The following AP3B2 variants were observed in gnomAD, a reference collection of about 807,000 sequenced individuals.
The protein encoded by AP3B2 is AP-3 complex subunit beta-2.
A neutral mutation model predicts 126.9 loss-of-function variants in AP3B2; 50 were observed. The ratio of observed to expected loss-of-function variants is 0.39; its 90% CI spans 0.31 to 0.50. The LOEUF (loss-of-function observed/expected upper bound fraction) is 0.50. Ranked by LOEUF, AP3B2 falls within the 20% of genes least tolerant of loss-of-function variation. The probability of loss-of-function intolerance (pLI) is 0.79; values close to 1 mark genes in which losing one functional copy is unlikely to be tolerated. For missense variants in AP3B2, 1,177 were observed against 1,426.4 expected (o/e 0.83, Z 2.82); for synonymous variants, 541 against 565.0 (o/e 0.96, Z 0.60).
At position 82,697,150 on chromosome 15, in the gene AP3B2, T is replaced by C. The variant is rs1429114594; in HGVS notation, c.114-7697A>G. Among the ~76,000 whole-genome samples the C allele has an allele frequency of 2.0e-5, 3 of 151,906 alleles. No homozygotes were observed. In the East Asian group the frequency reaches 5.8e-4, roughly 29 times the overall value. ...ATCGAGACCATCCTGGCTAACATGG[T>C]GAAACCCCGTCTCTACTAAAAAATT... On this transcript the variant is annotated intron_variant, in intron 1 of 26. Transcript: ENST00000535359.
chr15:82,677,450 C>T, intron 12 of AP3B2, 67 bp from the exon 13 acceptor site: 2 of 1,468,774 alleles, frequency 1.4e-6, no homozygotes, highest in African/African-American at 1.4e-5. Context: ...TGGACAGACA[C>T]ACCTGCAGTG....
At position 82,663,338 on chromosome 15, in the gene AP3B2, G is replaced by T. The variant is rs748484490; in HGVS notation, c.2498-105C>A. ...CGCATTTCAGCACCATGGACAGCGG[G>T]GCACATGGCTGCCTGGAGGCTCTCG... On this transcript the variant is annotated intron_variant, in intron 21 of 26. Coordinates refer to ENST00000535359, the MANE Select transcript of AP3B2 (RefSeq NM_001278512.2). 3.1e-5 allele frequency: 33 copies of T among 1,050,322 alleles called. No homozygotes were observed. The Admixed American group carries it at 5.3e-4, about 17-fold the overall frequency. The allele number at this position is 1,050,322 out of a possible 1,614,324, so 65.1% of individuals were successfully genotyped here.
At chr15:82,683,065 T>TG in intron 4 of AP3B2, among the ~76,000 whole-genome samples, 1 of 139,132 alleles carries the variant, frequency 7.2e-6, no homozygotes. Context: ...TTTTTTTTTT[T>TG]TTTTTTTTTT....
rs2048015098 is a variant in AP3B2 at position 82,664,403 on chromosome 15, TG to T, written c.2224del (p.Gln742ArgfsTer53). 1 of 1,613,840 alleles carries T rather than the reference TG, an allele frequency of 6.2e-7. No homozygotes were observed. The highest frequency in any genetic ancestry group is 1.3e-5 in the African/African-American group (1 of 74,914). ...ESSSESDNED[Q>X]DEDEEKGRGS... The stretch of plus-strand genomic sequence containing the variant: ...TCTCCCTTTCTCCTCATCCTCATCC[TG>T]GTCTTCATTGTCGGACTCACTGCTG... On this transcript the variant is annotated frameshift_variant, in exon 19 of 27. Coordinates refer to ENST00000535359, the MANE Select transcript of AP3B2 (RefSeq NM_001278512.2). LOFTEE classifies it high-confidence loss of function. This position sits in a 1 kb window ranked among gnomAD's most constrained non-coding sequence, Gnocchi z 4.5.
At chr15:82,686,154 T>C (rs910246377) in intron 4 of AP3B2, 1 of 152,214 alleles carries the variant, frequency 6.6e-6, no homozygotes, top group African/African-American at 2.4e-5. Context: ...GTTTGGACCC[T>C]GTGCTAAACT....
intron 1 of AP3B2, among the ~76,000 whole-genome samples, chr15:82,690,714 C>T (rs1407069874): frequency 9.7e-5 from 12 of 123,618 alleles, no homozygotes; most frequent in African/African-American, 1.2e-4. Context: ...AGTGCAGTGG[C>T]GCAATCTCGG....
At chr15:82,663,532 C>T in intron 21 of AP3B2, 28 bp downstream of exon 21, 4 of 1,610,966 alleles carry the variant, frequency 2.5e-6, no homozygotes, top group Non-Finnish European at 2.5e-6. Context: ...GCCTCCTTTC[C>T]CCTGTGACTT....
chr15:82,703,251 G>A (rs1294862396), intron 1 of AP3B2, among the ~76,000 whole-genome samples: 3 of 151,914 alleles, frequency 2.0e-5, no homozygotes, highest in Admixed American at 6.6e-5. Flanking sequence ...TTTTTGGGGG[G>A]CAAGTACCCC....
At chr15:82,685,184 C>T (rs2048405378) in intron 4 of AP3B2, 2 of 152,180 alleles carry the variant, frequency 1.3e-5, no homozygotes, top group African/African-American at 2.4e-5. Flanking sequence ...ATCACCATAA[C>T]ATATAATAAT....
intron 14 of AP3B2, among the ~76,000 whole-genome samples, chr15:82,671,152 G>A (rs7359289): frequency 9.2e-5 from 14 of 152,072 alleles, no homozygotes; most frequent in African/African-American, 1.9e-4. Context: ...GCGTGGTGAC[G>A]CACGCCTGTA....
intron 1 of AP3B2, among the ~76,000 whole-genome samples, chr15:82,702,479 A>G (rs1370863850): frequency 6.6e-6 from 1 of 152,136 alleles, no homozygotes; most frequent in East Asian, 1.9e-4. Flanking sequence ...AGAAGTGAAA[A>G]TGGCCTGTTC....
chr15:82,698,488 CTA>C (rs1491149266), intron 1 of AP3B2, among the ~76,000 whole-genome samples: 1 of 151,834 alleles, frequency 6.6e-6, no homozygotes, highest in East Asian at 1.9e-4. Flanking sequence ...ACACGTCCCC[CTA>C]CACACACACA....
intron 14 of AP3B2, among the ~76,000 whole-genome samples, chr15:82,671,788 A>T (rs1596174650): frequency 6.6e-6 from 1 of 151,292 alleles, no homozygotes; most frequent in South Asian, 2.1e-4. Flanking sequence ...TCACGCCTGT[A>T]ATCCCAGCAC....
chr15:82,667,076 C>G, intron 14 of AP3B2, 143 bp from the exon 15 acceptor site: 3 of 780,102 alleles, frequency 3.8e-6, no homozygotes, highest in Non-Finnish European at 6.0e-6. Context: ...GCTGTCCCTC[C>G]CCACCTGCCC....
At chr15:82,661,955 A>G in intron 24 of AP3B2, 33 bp from the exon 25 acceptor site, 1 of 1,581,884 alleles carries the variant, frequency 6.3e-7, no homozygotes, top group Non-Finnish European at 8.7e-7. Flanking sequence ...GAGAAGAATT[A>G]AGGCTGTCAT....
chr15:82,673,241 A>G (rs1433419580), intron 14 of AP3B2, among the ~76,000 whole-genome samples: 1 of 152,192 alleles, frequency 6.6e-6, no homozygotes, highest in African/African-American at 2.4e-5. Flanking sequence ...TTTGAGATGG[A>G]TCTTGCTCTG....
At position 82,680,896 on chromosome 15, in the gene AP3B2, C is replaced by A; in HGVS notation, c.712G>T (p.Val238Phe). 6.2e-7 allele frequency: 1 copy of A among 1,613,954 alleles called. No homozygotes were observed. Among genetic ancestry groups the A allele is most frequent in the Non-Finnish European group, 8.5e-7 (1 of 1,179,872 alleles). The change falls in exon 7 of 27, where the codon GTC becomes TTC. Residue 238 changes from valine (V) to phenylalanine (F), a missense_variant. This residue lies in a region of AP3B2 where 103 missense variants were observed against 101.4 expected (regional missense o/e 1.02). Coordinates refer to ENST00000535359, the MANE Select transcript of AP3B2 (RefSeq NM_001278512.2). This position sits in a 1 kb window ranked among gnomAD's most constrained non-coding sequence, Gnocchi z 6.1. ...TAGCGGGTGAGCATGCTGATGATGA[C>A]CACCTGGCCCCACTCCTCCACGTCG... is the stretch of plus-strand genomic sequence containing the variant. Reference protein sequence around the residue: ...LIDVEEWGQVVIISMLTRYAR... With the variant: ...LIDVEEWGQVFIISMLTRYAR...
intron 26 of AP3B2, 21 bp from the exon 27 acceptor site, chr15:82,659,731 G>A: frequency 6.2e-7 from 1 of 1,613,366 alleles, no homozygotes; most frequent in Non-Finnish European, 8.5e-7. Context: ...AATAGAAGGG[G>A]TGAGGAAGAG....
At chr15:82,677,454 T>C in intron 12 of AP3B2, 71 bp from the exon 13 acceptor site, 1 of 1,456,430 alleles carries the variant, frequency 6.9e-7, no homozygotes, top group Non-Finnish European at 9.5e-7. Context: ...CAGACACACC[T>C]GCAGTGCCCC....
Sources: gnomAD v4.1 joint callset for allele counts (sites outside exome capture counted in the v4.1 genomes callset) on GRCh38, gnomAD v4.1.1 for gene constraint, gnomAD v4.1.1 regional missense constraint, Gnocchi (gnomAD v3.1) non-coding constraint, MANE v1.5 for transcripts, NCBI Gene and HGNC (gene_info 2026-07-23, HGNC 2026-07-21) for gene names.